PICALM: variants seen among roughly 807,000 people sequenced by gnomAD.
The protein encoded by PICALM is phosphatidylinositol binding clathrin assembly protein.
Under a neutral mutation model 80.5 loss-of-function variants are expected in PICALM, and 40 were observed. The ratio of observed to expected loss-of-function variants is 0.50; its 90% confidence interval spans 0.39 to 0.65. The LOEUF is 0.65. Ranked by LOEUF, PICALM falls within the 30% of genes least tolerant of loss-of-function variation. The pLI is 0.00. For missense variants in PICALM, 676 were observed against 778.9 expected (o/e 0.87, Z 1.57); for synonymous variants, 288 against 260.3 (o/e 1.11, Z -1.02).
At chr11:86,069,740 C>G (rs965791345), upstream of PICALM, 16 of 152,236 alleles carry the variant, frequency 1.1e-4, no homozygotes, top group African/African-American at 3.4e-4. Context: ...TTTTTTCCCC[C>G]CTTTCCTTGA....
rs755712813 is a variant in PICALM, at chr11:86,012,825, T to C, written c.547-433A>G. Among the ~76,000 whole-genome samples the C allele has an allele frequency of 1.2e-3, 190 of 152,116 alleles. 1 individual carries two copies. Among genetic ancestry groups the C allele is most frequent in the Middle Eastern group, 3.4e-3 (1 of 294 alleles). ...TCTAGTAGAGCTGATGTCCATTATA[T>C]AGGGAGAATCCTAATAATAAATAAA... On this transcript the variant is annotated intron_variant, in intron 5 of 19. Coordinates refer to ENST00000393346, the MANE Select transcript of PICALM (RefSeq NM_007166.4).
intron 17 of PICALM, chr11:85,978,279 G>A (rs1479651998): frequency 5.8e-6 from 3 of 513,638 alleles, no homozygotes; most frequent in East Asian, 3.2e-5. Flanking sequence ...AGGTTGACAA[G>A]GGAATTGTAG....
intron 12 of PICALM, among the ~76,000 whole-genome samples, chr11:85,991,451 C>T (rs917143323): frequency 6.6e-6 from 1 of 151,540 alleles, no homozygotes; most frequent in African/African-American, 2.4e-5. Context: ...GCCTAAGGAC[C>T]AGCTCATTTA....
At chr11:86,057,198 T>C (rs1383449002) in intron 1 of PICALM, among the ~76,000 whole-genome samples, 2 of 151,428 alleles carry the variant, frequency 1.3e-5, no homozygotes, top group Admixed American at 1.3e-4. Flanking sequence ...TGCAAAAAAA[T>C]GTGTACTCTA....
intron 2 of PICALM, among the ~76,000 whole-genome samples, chr11:86,028,823 A>C (rs1593099114): frequency 7.0e-6 from 1 of 142,830 alleles, no homozygotes; most frequent in South Asian, 2.2e-4. Context: ...TCTGTGCATT[A>C]CTGTTTTTAA....
chr11:85,982,754 G>T (rs940502465), intron 14 of PICALM, among the ~76,000 whole-genome samples: 7 of 152,028 alleles, frequency 4.6e-5, no homozygotes, highest in African/African-American at 1.5e-4. Flanking sequence ...AGCAGAGAAT[G>T]TAAGAGTGAA....
intron 2 of PICALM, among the ~76,000 whole-genome samples, chr11:86,029,523 T>C (rs1245722338): frequency 6.6e-6 from 1 of 152,214 alleles, no homozygotes; most frequent in African/African-American, 2.4e-5. Flanking sequence ...AAATGCTATC[T>C]TTCTCCCCTT....
intron 19 of PICALM, among the ~76,000 whole-genome samples, chr11:85,962,093 A>C (rs183469517): frequency 1.2e-3 from 184 of 152,284 alleles, no homozygotes; most frequent in African/African-American, 4.3e-3. Flanking sequence ...TGATGGAATC[A>C]CGCAGGCAGC....
chr11:86,057,724 C>T (rs1296925488), intron 1 of PICALM, among the ~76,000 whole-genome samples: 2 of 152,140 alleles, frequency 1.3e-5, no homozygotes, highest in Non-Finnish European at 2.9e-5. Context: ...TCCTTGTCAT[C>T]ATTCCCTAAA....
At position 85,981,729 on chromosome 11, in the gene PICALM, T is replaced by C. The variant is rs747052620; in HGVS notation, c.1679+16A>G. The C allele has an allele frequency of 4.4e-5, 70 of 1,589,350 alleles. No individual in the cohort carries two copies. The highest frequency in any genetic ancestry group is 5.9e-5 in the Non-Finnish European group (68 of 1,158,244). Reference sequence around the variant, plus strand: ...AATAACACACGGAGAAAACAATGTGTATATTAAACACTCACTTCTTAGTGG... The same window carrying C: ...AATAACACACGGAGAAAACAATGTGCATATTAAACACTCACTTCTTAGTGG... On this transcript the variant is annotated intron_variant, in intron 16 of 19. Transcript: ENST00000393346.
chr11:86,005,281 A>G (rs2095252640), intron 8 of PICALM, among the ~76,000 whole-genome samples: 1 of 152,194 alleles, frequency 6.6e-6, no homozygotes. Flanking sequence ...TTTTTTCTGA[A>G]GGGTTTAAGC....
In PICALM at chr11:86,068,872, C is replaced by T; in HGVS notation, c.-92G>A. 1.4e-6 allele frequency: 2 copies of T among 1,432,834 alleles called. No homozygotes were observed. The highest frequency in any genetic ancestry group is 1.8e-6 in the Non-Finnish European group (2 of 1,092,176). 88.8% of individuals were successfully genotyped at this position (1,432,834 alleles called of 1,614,324 possible). On this transcript the variant is annotated 5_prime_UTR_variant, in exon 1 of 20. Coordinates refer to ENST00000393346, the MANE Select transcript of PICALM (RefSeq NM_007166.4). ...AGGGTCCCCACCCCCCACCGCACCC[C>T]CTACCCCCACCGGCTCCTTCCCCGC...
chr11:86,030,940 AC>A (rs1038427305), intron 2 of PICALM, among the ~76,000 whole-genome samples: 4 of 152,098 alleles, frequency 2.6e-5, no homozygotes, highest in African/African-American at 9.6e-5. Context: ...AGATGGAAAG[AC>A]CCCCATCTCT....
At chr11:86,025,590 G>A (rs1306463829) in intron 3 of PICALM, among the ~76,000 whole-genome samples, 7 of 151,306 alleles carry the variant, frequency 4.6e-5, no homozygotes, top group East Asian at 2.0e-4. Flanking sequence ...ACAGAGTCTA[G>A]CTTTGTCACC....
intron 5 of PICALM, among the ~76,000 whole-genome samples, chr11:86,013,720 C>A (rs1302516623): frequency 3.3e-5 from 5 of 151,970 alleles, no homozygotes; most frequent in African/African-American, 7.3e-5. Context: ...CTATACAAAC[C>A]AAAATAATGT....
intron 19 of PICALM, among the ~76,000 whole-genome samples, chr11:85,965,260 C>T (rs948604235): frequency 3.3e-5 from 5 of 152,162 alleles, no homozygotes; most frequent in South Asian, 2.1e-4. Flanking sequence ...AATCCCAGTA[C>T]GCTGATACTA....
chr11:85,959,584 G>A (rs938273591), intron 19 of PICALM, among the ~76,000 whole-genome samples: 18 of 134,620 alleles, frequency 1.3e-4, no homozygotes, highest in African/African-American at 5.1e-4. Context: ...AGTGAGCTGA[G>A]ATCGTGCCAC....
At chr11:85,978,033 C>A (rs781765785) in intron 17 of PICALM, 8 of 1,566,970 alleles carry the variant, frequency 5.1e-6, no homozygotes, top group Non-Finnish European at 6.2e-6. Context: ...AATAGCATGC[C>A]AATTTATTGC....
chr11:86,037,889 T>G (rs184831268), intron 1 of PICALM, among the ~76,000 whole-genome samples: 1 of 152,226 alleles, frequency 6.6e-6, no homozygotes. Flanking sequence ...GTACCTCTCA[T>G]GTCACATAGC....
Sources: gnomAD v4.1 joint callset for allele counts (sites outside exome capture counted in the v4.1 genomes callset) on GRCh38, gnomAD v4.1.1 for gene constraint, MANE v1.5 for transcripts, NCBI Gene and HGNC (gene_info 2026-07-23, HGNC 2026-07-21) for gene names.